The following NIPA1 variants were observed in gnomAD, a reference collection of about 807,000 sequenced individuals.
NIPA1 encodes magnesium transporter NIPA1.
Under a neutral mutation model 23.9 loss-of-function variants are expected in NIPA1, and 13 were observed. The observed-to-expected ratio is 0.54, with a 90% confidence interval of 0.35 to 0.87. The LOEUF is 0.87. Ranked by LOEUF, NIPA1 falls within the 40% of genes least tolerant of loss-of-function variation. The probability of loss-of-function intolerance (pLI) is 0.01; values close to 1 mark genes in which losing one functional copy is unlikely to be tolerated. For synonymous variants in NIPA1, 234 were observed against 202.9 expected, an observed-to-expected ratio of 1.15 and a Z score of -1.30; for missense variants, 362 against 429.7, an observed-to-expected ratio of 0.84 and a Z score of 1.39.
At chr15:22,786,870 TG>T (rs1338045572) in intron 1 of NIPA1, 36 bp downstream of exon 1, 2 of 79,576 alleles carry the variant, frequency 2.5e-5, no homozygotes, top group Non-Finnish European at 4.9e-5. Context: ...GGCGGGCGGG[TG>T]GGGGAGGCGG....
intron 4 of NIPA1, among the ~76,000 whole-genome samples, chr15:22,823,451 T>C (rs887878002): frequency 6.6e-6 from 1 of 151,614 alleles, no homozygotes; most frequent in Non-Finnish European, 1.5e-5. Context: ...CCACCTGCCT[T>C]GGCCCCCCAA....
At chr15:22,793,726 A>G (rs1167508165) in intron 1 of NIPA1, among the ~76,000 whole-genome samples, 63 of 152,108 alleles carry the variant, frequency 4.1e-4, no homozygotes, top group Admixed American at 4.0e-3. Flanking sequence ...TCTTTAGTCT[A>G]TCTTGAGTTG....
intron 4 of NIPA1, 98 bp from the exon 5 acceptor site, chr15:22,823,630 G>A (rs1895587770): frequency 1.0e-5 from 13 of 1,238,490 alleles, no homozygotes; most frequent in Admixed American, 3.9e-5. Flanking sequence ...GGCCGGTGGC[G>A]GGTGGCGGGT....
rs949836741 is a variant in NIPA1, at chr15:22,797,047, T to C, written c.178+10213T>C. On this transcript the variant is annotated intron_variant, in intron 1 of 4. Coordinates refer to ENST00000337435, the MANE Select transcript of NIPA1 (RefSeq NM_144599.5). ...CTGCTATTACAATTGAGGTTTCTTT[T>C]TTTTTTTTTTTAGATAAAGTCTCGC... Among the ~76,000 whole-genome samples, 3 of 151,772 alleles carry C rather than the reference T, an allele frequency of 2.0e-5. No homozygotes were observed. The South Asian group carries it at 6.2e-4, about 32-fold the overall frequency.
intron 3 of NIPA1, among the ~76,000 whole-genome samples, chr15:22,816,917 C>G (rs897209878): frequency 1.3e-5 from 2 of 151,908 alleles, no homozygotes; most frequent in African/African-American, 2.4e-5. Flanking sequence ...GGCGTAGTGG[C>G]TCACTCCTGT....
chr15:22,787,249 G>A (rs772843391), intron 1 of NIPA1, among the ~76,000 whole-genome samples: 118 of 152,262 alleles, frequency 7.7e-4, no homozygotes, highest in Admixed American at 2.2e-3. Flanking sequence ...GTGCTGGGGT[G>A]CTCGAGCCCA....
In NIPA1 at chr15:22,812,190, T is replaced by C; in HGVS notation, c.254T>C (p.Leu85Pro). 6.2e-7 allele frequency: 1 copy of C among 1,613,722 alleles called. No individual in the cohort carries two copies. Among genetic ancestry groups the C allele is most frequent in the Non-Finnish European group, 8.5e-7 (1 of 1,179,758 alleles). The part of the protein sequence containing the change: ...AMAVGQIGNF[L>P]AYTAVPTVLV... ...GCTGTTGGCCAGATTGGAAACTTCCTGGCTTACACGGCGGTCCCCACGGTC... is the reference window on the plus strand; with the variant it reads ...GCTGTTGGCCAGATTGGAAACTTCCCGGCTTACACGGCGGTCCCCACGGTC... Residue 85 changes from leucine (L) to proline (P), a missense_variant, in exon 3 of 5, where the codon CTG becomes CCG. Transcript: ENST00000337435.
intron 1 of NIPA1, among the ~76,000 whole-genome samples, chr15:22,789,497 G>A (rs1385310506): frequency 1.3e-5 from 2 of 152,152 alleles, no homozygotes; most frequent in African/African-American, 4.8e-5. Context: ...TGAGAGACCA[G>A]CCGGCGGGGC....
rs1895670353 is a variant in NIPA1 at position 22,827,196 on chromosome 15, A to G, written c.*2957A>G. ...ACAATATGCAGATTTCTCTTGATAG[A>G]TACTTAAATAGGCTATTTCTCTCCT... On this transcript the variant is annotated 3_prime_UTR_variant, in exon 5 of 5. Transcript: ENST00000337435. 3 of 152,176 alleles carry G rather than the reference A, an allele frequency of 2.0e-5. No individual in the cohort carries two copies. The South Asian group carries it at 6.2e-4, about 31-fold the overall frequency. 9.4% of individuals were successfully genotyped at this position (152,176 alleles called of 1,614,324 possible). A position where few individuals can be genotyped will look rare whatever the true frequency, so the allele number is the denominator to read the frequency against.
rs780133252 is a variant in NIPA1 at position 22,828,966 on chromosome 15, C to T, written c.*4727C>T. ...ACAGTGGAAACTCCGCTTGCACGGA[C>T]CATGGAGTCTGCTCAGGACCATGCT... On this transcript the variant is annotated 3_prime_UTR_variant, in exon 5 of 5. Coordinates refer to ENST00000337435, the MANE Select transcript of NIPA1 (RefSeq NM_144599.5). 5.9e-5 allele frequency: 9 copies of T among 152,300 alleles called. No homozygotes were observed. Among genetic ancestry groups the T allele is most frequent in the Non-Finnish European group, 8.8e-5 (6 of 68,060 alleles). The allele number at this position is 152,300 out of a possible 1,614,324, so 9.4% of individuals were successfully genotyped here. A position where few individuals can be genotyped will look rare whatever the true frequency, so the allele number is the denominator to read the frequency against.
At chr15:22,814,272 T>TTA (rs950488333) in intron 3 of NIPA1, 1 of 305,376 alleles carries the variant, frequency 3.3e-6, no homozygotes, top group Admixed American at 4.0e-5. Context: ...TTGTTTTTTT[T>TTA]TTTGAGACGG....
At chr15:22,800,844 T>G (rs1281084261) in intron 1 of NIPA1, among the ~76,000 whole-genome samples, 1 of 149,182 alleles carries the variant, frequency 6.7e-6, no homozygotes, top group Admixed American at 6.8e-5. Context: ...GGCAGGAGAA[T>G]GGCGTGAACC....
intron 1 of NIPA1, among the ~76,000 whole-genome samples, chr15:22,794,735 C>T (rs1480220037): frequency 1.3e-5 from 2 of 152,048 alleles, no homozygotes; most frequent in Non-Finnish European, 2.9e-5. Flanking sequence ...TCCTGTCATA[C>T]CCACGCTCCT....
At chr15:22,811,406 A>G (rs1895311753) in intron 2 of NIPA1, among the ~76,000 whole-genome samples, 1 of 152,102 alleles carries the variant, frequency 6.6e-6, no homozygotes, top group South Asian at 2.1e-4. Flanking sequence ...CCAGGAGTTC[A>G]AGACCAGCCT....
At chr15:22,808,676 A>ATTTTTTTTTTTTTTT (rs1566783277) in intron 1 of NIPA1, among the ~76,000 whole-genome samples, 2 of 52,598 alleles carry the variant, frequency 3.8e-5, no homozygotes, top group Non-Finnish European at 3.1e-5. Context: ...AAATAGCAAT[A>ATTTTTTTTTTTTTTT]TTCTTTTTTT....
At chr15:22,789,698 G>C (rs985443547) in intron 1 of NIPA1, among the ~76,000 whole-genome samples, 1 of 152,160 alleles carries the variant, frequency 6.6e-6, no homozygotes, top group African/African-American at 2.4e-5. Flanking sequence ...GGGAATCCAT[G>C]TGGGACTGCA....
intron 1 of NIPA1, among the ~76,000 whole-genome samples, chr15:22,787,075 C>A (rs570954519): frequency 6.6e-5 from 10 of 152,084 alleles, no homozygotes; most frequent in Admixed American, 3.9e-4. Flanking sequence ...TCCGGCGCTT[C>A]GCCGACGCCA....
intron 2 of NIPA1, chr15:22,811,018 C>T (rs1895305510): frequency 1.7e-6 from 1 of 577,156 alleles, no homozygotes; most frequent in East Asian, 3.0e-5. Flanking sequence ...TGCAGAAGGA[C>T]AAGTTAGGAG....
intron 1 of NIPA1, among the ~76,000 whole-genome samples, chr15:22,796,288 G>A (rs1161560379): frequency 1.3e-5 from 2 of 151,950 alleles, no homozygotes; most frequent in South Asian, 2.1e-4. Context: ...CTGATGCTGG[G>A]CAAACAGAAA....
Sources: gnomAD v4.1 joint callset for allele counts (sites outside exome capture counted in the v4.1 genomes callset) on GRCh38, gnomAD v4.1.1 for gene constraint, MANE v1.5 for transcripts, NCBI Gene and HGNC (gene_info 2026-07-23, HGNC 2026-07-21) for gene names.